PCSK5: variants seen among roughly 807,000 people sequenced by gnomAD.
The protein encoded by PCSK5 is proprotein convertase subtilisin/kexin type 5.
A neutral mutation model predicts 233.2 loss-of-function variants in PCSK5; 129 were observed. The ratio of observed to expected loss-of-function variants is 0.55; its 90% confidence interval spans 0.48 to 0.64. PCSK5 has a LOEUF of 0.64. Ranked by LOEUF, PCSK5 falls within the 30% of genes least tolerant of loss-of-function variation. The probability of loss-of-function intolerance (pLI) is 0.00; values close to 1 mark genes in which losing one functional copy is unlikely to be tolerated. For missense variants in PCSK5, 2,076 were observed against 2,430.1 expected (o/e 0.85, Z 3.06); for synonymous variants, 825 against 879.2 (o/e 0.94, Z 1.09).
In PCSK5 at chr9:76,050,644, T is replaced by C. The variant is rs554920280; in HGVS notation, c.633-17311T>C. 6.6e-5 allele frequency among the ~76,000 whole-genome samples: 10 copies of C among 152,330 alleles called. No individual in the cohort carries two copies. In the South Asian group the frequency reaches 2.1e-3, roughly 32 times the overall value. ...AGAACAACTGGAGCAGAAATTCTTA[T>C]AACACCTTGTACGTAAACCTTGATT... On this transcript the variant is annotated intron_variant, in intron 5 of 37. Coordinates refer to ENST00000674117, the MANE Select transcript of PCSK5 (RefSeq NM_001372043.1).
Position 76,308,733 on chromosome 9 carries a change from G to A in PCSK5, c.3688+5G>A. The A allele has an allele frequency of 2.5e-6, 4 of 1,587,938 alleles. No individual in the cohort carries two copies. Among genetic ancestry groups the A allele is most frequent in the Non-Finnish European group, 3.5e-6 (4 of 1,157,984 alleles). On this transcript the variant is annotated splice_donor_5th_base_variant and intron_variant, in intron 29 of 37. Transcript: ENST00000674117. ...TGTGCACTTCATGTCCCAAAGGTTA[G>A]TGTGTTGCGTGACAGAAGATGGCAG...
At chr9:76,072,712 C>T (rs1564009946) in intron 7 of PCSK5, among the ~76,000 whole-genome samples, 2 of 152,258 alleles carry the variant, frequency 1.3e-5, no homozygotes, top group East Asian at 3.9e-4. Context: ...TAGACGTGCT[C>T]CACTCCTATC....
At chr9:76,189,274 A>G in intron 19 of PCSK5, 51 bp downstream of exon 19, 4 of 1,527,018 alleles carry the variant, frequency 2.6e-6, no homozygotes, top group Non-Finnish European at 3.6e-6. Flanking sequence ...AGTTCTTTTG[A>G]TGACTATCTT....
At chr9:75,921,503 G>A (rs1482069455) in intron 1 of PCSK5, among the ~76,000 whole-genome samples, 7 of 152,084 alleles carry the variant, frequency 4.6e-5, no homozygotes. Flanking sequence ...GCAGAAAAGA[G>A]TGAAGACCCC....
At chr9:75,964,042 A>G (rs1191814545) in intron 2 of PCSK5, among the ~76,000 whole-genome samples, 1 of 152,216 alleles carries the variant, frequency 6.6e-6, no homozygotes, top group African/African-American at 2.4e-5. Flanking sequence ...GGAAAATGGA[A>G]ACAACATCCA....
chr9:76,226,494 C>A (rs1472114161), intron 20 of PCSK5, among the ~76,000 whole-genome samples: 2 of 152,124 alleles, frequency 1.3e-5, no homozygotes, highest in African/African-American at 4.8e-5. Context: ...CGTGATTAAA[C>A]CCTGGGCGGG....
intron 35 of PCSK5, among the ~76,000 whole-genome samples, chr9:76,349,190 C>T (rs1360032022): frequency 1.3e-5 from 2 of 148,530 alleles, no homozygotes; most frequent in African/African-American, 5.0e-5. Flanking sequence ...AGGAGAATGG[C>T]GTCAACCCAG....
At chr9:75,981,902 G>A (rs552471103) in intron 2 of PCSK5, among the ~76,000 whole-genome samples, 1 of 152,220 alleles carries the variant, frequency 6.6e-6, no homozygotes, top group African/African-American at 2.4e-5. Context: ...GTATGATAGT[G>A]TGTATAGGTA....
Position 76,296,793 on chromosome 9 carries a change from G to GA in PCSK5, c.3453dup (p.Gly1152ArgfsTer24). 1 of 1,611,604 alleles carries GA rather than the reference G, an allele frequency of 6.2e-7. No homozygotes were observed. Among genetic ancestry groups the GA allele is most frequent in the Non-Finnish European group, 8.5e-7 (1 of 1,178,802 alleles). On this transcript the variant is annotated frameshift_variant, in exon 27 of 38. Coordinates refer to ENST00000674117, the MANE Select transcript of PCSK5 (RefSeq NM_001372043.1). LOFTEE classifies it high-confidence loss of function. ...TCATGACGAGTGCAGCAGCTGCCAGGAAGGACTGCAGCTGCTGCGTGGGAT... is the reference window on the plus strand; with the variant it reads ...TCATGACGAGTGCAGCAGCTGCCAGGAAAGGACTGCAGCTGCTGCGTGGGAT...
chr9:76,108,398 G>A (rs1167262680), intron 9 of PCSK5, among the ~76,000 whole-genome samples: 1 of 152,216 alleles, frequency 6.6e-6, no homozygotes, highest in Non-Finnish European at 1.5e-5. Flanking sequence ...GCACCCTGAA[G>A]TAGAGCGATA....
At chr9:76,330,006 C>T (rs62565740) in intron 33 of PCSK5, among the ~76,000 whole-genome samples, 30,463 of 151,884 alleles carry the variant, frequency 0.2, 3,272 homozygotes, top group South Asian at 0.23. Context: ...TGCCTTTCCT[C>T]GGTGATATTA....
At chr9:76,007,206 T>G (rs1827515676) in intron 3 of PCSK5, among the ~76,000 whole-genome samples, 1 of 152,232 alleles carries the variant, frequency 6.6e-6, no homozygotes, top group South Asian at 2.1e-4. Flanking sequence ...TGTCCATATA[T>G]TTTAAAAATA....
At chr9:76,092,223 T>G (rs970921335) in intron 7 of PCSK5, among the ~76,000 whole-genome samples, 1 of 152,162 alleles carries the variant, frequency 6.6e-6, no homozygotes, top group Non-Finnish European at 1.5e-5. Flanking sequence ...ACTTTAGGAC[T>G]TTTCTGCTCT....
chr9:76,319,579 C>G (rs189778190), intron 30 of PCSK5, among the ~76,000 whole-genome samples: 11 of 152,202 alleles, frequency 7.2e-5, no homozygotes, highest in Admixed American at 5.9e-4. Flanking sequence ...GCTCCTTGGT[C>G]GAGCGGTAAC....
chr9:76,188,500 C>CA (rs1824209786), intron 17 of PCSK5, 78 bp from the exon 18 acceptor site: 2 of 868,566 alleles, frequency 2.3e-6, no homozygotes, highest in Non-Finnish European at 1.9e-6. Flanking sequence ...GTATCTGTTA[C>CA]ATATGGAGTT....
intron 10 of PCSK5, among the ~76,000 whole-genome samples, chr9:76,155,575 C>G (rs1822541282): frequency 6.6e-6 from 1 of 152,072 alleles, no homozygotes; most frequent in South Asian, 2.1e-4. Context: ...TGCCTGATAA[C>G]AGTGTGTGGT....
chr9:75,910,854 T>A lies in PCSK5; in HGVS notation c.192+19481T>A, dbSNP rs79064446. Among the ~76,000 whole-genome samples, 723 of 152,324 alleles carry A rather than the reference T, an allele frequency of 4.7e-3. 3 individuals are homozygous for A. Among genetic ancestry groups the A allele is most frequent in the Middle Eastern group, 0.031 (9 of 294 alleles). ...ATGCTTTAGTTGTGAGAGAACTGGC[T>A]TCACAAACATGTGGGTATCGGTTCA... On this transcript the variant is annotated intron_variant, in intron 1 of 37. Coordinates refer to ENST00000674117, the MANE Select transcript of PCSK5 (RefSeq NM_001372043.1).
rs1481237535 is a variant in PCSK5 at position 76,175,049 on chromosome 9, A to G, written c.1820A>G (p.Asn607Ser). Reference protein sequence around the residue: ...GTSVQPYSPTNEFPKVERFRY... With the variant: ...GTSVQPYSPTSEFPKVERFRY... The stretch of plus-strand genomic sequence containing the variant: ...TCCGTGCAGCCATATTCACCAACCA[A>G]TGAATTTCCGAAAGTGGAACGGTTC... The change falls in exon 14 of 38, where the codon AAT becomes AGT. Residue 607 changes from asparagine (N) to serine (S), a missense_variant. Coordinates refer to ENST00000674117, the MANE Select transcript of PCSK5 (RefSeq NM_001372043.1). 6.8e-6 allele frequency: 11 copies of G among 1,613,906 alleles called. No homozygotes were observed. Among genetic ancestry groups the G allele is most frequent in the East Asian group, 2.2e-5 (1 of 44,884 alleles).
intron 26 of PCSK5, 131 bp downstream of exon 26, chr9:76,295,542 T>A: frequency 1.4e-6 from 1 of 725,338 alleles, no homozygotes; most frequent in Non-Finnish European, 2.2e-6. Context: ...CAAGGAGAAA[T>A]TTTAATTTGG....
Sources: allele counts gnomAD v4.1 joint callset (sites outside exome capture counted in the v4.1 genomes callset), GRCh38; gene constraint gnomAD v4.1.1; transcripts MANE v1.5; gene names NCBI Gene and HGNC (gene_info 2026-07-23, HGNC 2026-07-21).